Variants in SLC4A10 observed in about 807,000 individuals in gnomAD.
The protein encoded by SLC4A10 is sodium-driven chloride bicarbonate exchanger.
A neutral mutation model predicts 137.7 loss-of-function variants in SLC4A10; 42 were observed. The ratio of observed to expected loss-of-function variants is 0.30; its 90% CI spans 0.24 to 0.39. The LOEUF (loss-of-function observed/expected upper bound fraction) is 0.39, where lower values mean the gene tolerates loss of function less well. Ranked by LOEUF, SLC4A10 falls within the 10% of genes least tolerant of loss-of-function variation. SLC4A10 has a pLI of 1.00. For synonymous variants in SLC4A10, 474 were observed against 464.1 expected, an observed-to-expected ratio of 1.02 and a Z score of -0.27; for missense variants, 925 against 1,355.0, an observed-to-expected ratio of 0.68 and a Z score of 4.98.
At chr2:161,839,453 A>T (rs1393203521) in intron 3 of SLC4A10, among the ~76,000 whole-genome samples, 1 of 152,142 alleles carries the variant, frequency 6.6e-6, no homozygotes, top group Non-Finnish European at 1.5e-5. Context: ...GATGAGAGAA[A>T]ATGAGTATAT....
intron 1 of SLC4A10, chr2:161,708,755 T>G (rs2043958685): frequency 6.5e-7 from 1 of 1,531,560 alleles, no homozygotes. Context: ...GGAAATGCAG[T>G]CTTTAGGGGT....
intron 1 of SLC4A10, among the ~76,000 whole-genome samples, chr2:161,761,303 G>A (rs75229901): frequency 6.6e-6 from 1 of 152,168 alleles, no homozygotes; most frequent in Non-Finnish European, 1.5e-5. Context: ...AACTCAAGGA[G>A]TATGTGGCAG....
chr2:161,649,702 A>T (rs2036531161), intron 1 of SLC4A10, among the ~76,000 whole-genome samples: 1 of 151,536 alleles, frequency 6.6e-6, no homozygotes, highest in Non-Finnish European at 1.5e-5. Flanking sequence ...TTCATTTGTC[A>T]GTTTTTGCTT....
Position 161,907,873 on chromosome 2 carries a change from C to A in SLC4A10, c.1997+1986C>A, listed in dbSNP as rs575019768. ...CAGTACACTGATGAATACAGATAAA[C>A]TCTCCAAAAGAAACTATGTAAAACA... is the stretch of plus-strand genomic sequence containing the variant. On this transcript the variant is annotated intron_variant, in intron 15 of 26. Transcript: ENST00000446997. 2.6e-5 allele frequency among the ~76,000 whole-genome samples: 4 copies of A among 152,258 alleles called. No individual in the cohort carries two copies. In the South Asian group the frequency reaches 8.3e-4, roughly 32 times the overall value.
At chr2:161,820,142 A>G (rs1559325212) in intron 3 of SLC4A10, among the ~76,000 whole-genome samples, 1 of 152,182 alleles carries the variant, frequency 6.6e-6, no homozygotes, top group African/African-American at 2.4e-5. Flanking sequence ...TGGAATTATA[A>G]TAGGATTTTG....
chr2:161,734,778 A>G (rs1345078511), intron 1 of SLC4A10, among the ~76,000 whole-genome samples: 1 of 152,030 alleles, frequency 6.6e-6, no homozygotes, highest in Non-Finnish European at 1.5e-5. Flanking sequence ...TTTTAATTAC[A>G]TATTGATATT....
chr2:161,767,145 G>A (rs1364720134), intron 1 of SLC4A10, among the ~76,000 whole-genome samples: 74 of 108,732 alleles, frequency 6.8e-4, no homozygotes, highest in Non-Finnish European at 1.1e-3. Flanking sequence ...ATATATGTGT[G>A]TGTGTGTGTG....
intron 9 of SLC4A10, among the ~76,000 whole-genome samples, chr2:161,879,977 A>G (rs2061664392): frequency 6.6e-6 from 1 of 152,136 alleles, no homozygotes; most frequent in African/African-American, 2.4e-5. Flanking sequence ...GCTATCCATT[A>G]CTAAAACTGT....
intron 2 of SLC4A10, among the ~76,000 whole-genome samples, chr2:161,803,573 A>G (rs2055599841): frequency 6.6e-6 from 1 of 152,134 alleles, no homozygotes; most frequent in South Asian, 2.1e-4. Context: ...TACTGTCTCT[A>G]TAGTTTTAGC....
chr2:161,934,049 T>C lies in SLC4A10; in HGVS notation c.1998-8743T>C, dbSNP rs150562537. ...ATTTTGTGCACACAGTAAGTGTGTA[T>C]ATGTATGGGGTGCATGAGATATTTT... On this transcript the variant is annotated intron_variant, in intron 15 of 26. Transcript: ENST00000446997. Among the ~76,000 whole-genome samples the C allele has an allele frequency of 6.0e-3, 916 of 152,320 alleles. 7 individuals are homozygous for C. Among genetic ancestry groups the C allele is most frequent in the East Asian group, 0.02 (103 of 5,184 alleles).
At chr2:161,660,557 T>TTTCTTTCTTTCTTTCTTTCTTTCC (rs2038160023) in intron 1 of SLC4A10, among the ~76,000 whole-genome samples, 2 of 22,356 alleles carry the variant, frequency 8.9e-5, no homozygotes, top group African/African-American at 2.8e-4. Context: ...CTCATCTATA[T>TTTCTTTCTTTCTTTCTTTCTTTCC]TTCTTTCTTT....
chr2:161,738,091 T>C (rs940867669), intron 1 of SLC4A10, among the ~76,000 whole-genome samples: 17 of 152,136 alleles, frequency 1.1e-4, no homozygotes, highest in Admixed American at 1.0e-3. Flanking sequence ...AAAAAATTGT[T>C]CAAACAACCA....
intron 15 of SLC4A10, among the ~76,000 whole-genome samples, chr2:161,928,073 G>T (rs536219681): frequency 2.7e-5 from 4 of 150,750 alleles, no homozygotes; most frequent in African/African-American, 9.8e-5. Context: ...ACATGCACAC[G>T]TATGTTTATT....
At chr2:161,777,171 TA>T (rs34013796) in intron 2 of SLC4A10, among the ~76,000 whole-genome samples, 4,018 of 151,620 alleles carry the variant, frequency 0.027, 86 homozygotes, top group Middle Eastern at 0.044. Flanking sequence ...TTTAATAGGG[TA>T]AAAAAATTTT....
At chr2:161,824,446 A>T (rs2057875687) in intron 3 of SLC4A10, among the ~76,000 whole-genome samples, 1 of 152,244 alleles carries the variant, frequency 6.6e-6, no homozygotes, top group Admixed American at 6.5e-5. Context: ...TTTACAACAC[A>T]GCCAATCAAG....
intron 3 of SLC4A10, among the ~76,000 whole-genome samples, chr2:161,818,576 C>T (rs564921054): frequency 1.3e-5 from 2 of 152,088 alleles, no homozygotes; most frequent in East Asian, 3.9e-4. Context: ...GGGAATGCTT[C>T]CAGTTTTTGT....
At chr2:161,806,563 T>A (rs769343393) in intron 3 of SLC4A10, among the ~76,000 whole-genome samples, 1 of 152,144 alleles carries the variant, frequency 6.6e-6, no homozygotes, top group South Asian at 2.1e-4. Context: ...CTCTCTCAAG[T>A]TCAAAGTTTC....
At chr2:161,935,059 T>A (rs959403907) in intron 15 of SLC4A10, among the ~76,000 whole-genome samples, 7 of 152,232 alleles carry the variant, frequency 4.6e-5, no homozygotes, top group East Asian at 1.9e-4. Context: ...AATCCTTTTT[T>A]AAATATGGTG....
chr2:161,808,275 T>A (rs923409692), intron 3 of SLC4A10, among the ~76,000 whole-genome samples: 2 of 152,148 alleles, frequency 1.3e-5, no homozygotes, highest in African/African-American at 4.8e-5. Context: ...TTTATTTTGA[T>A]CCCTCTTTTA....
Sources: allele counts gnomAD v4.1 joint callset (sites outside exome capture counted in the v4.1 genomes callset), GRCh38; gene constraint gnomAD v4.1.1; transcripts MANE v1.5; gene names NCBI Gene and HGNC (gene_info 2026-07-23, HGNC 2026-07-21).